MYCBP2: variants seen among roughly 807,000 people sequenced by gnomAD.
MYCBP2 encodes E3 ubiquitin-protein ligase MYCBP2.
Under a neutral mutation model 525.3 loss-of-function variants are expected in MYCBP2, and 120 were observed. That is an observed-to-expected ratio of 0.23 (90% confidence interval 0.20 to 0.27). The LOEUF is 0.27. MYCBP2 is among the 10% of genes least tolerant of loss of function. The pLI, the probability that MYCBP2 is intolerant of heterozygous loss-of-function variation, is 1.00. For missense variants in MYCBP2, 4,149 were observed against 5,657.1 expected, an observed-to-expected ratio of 0.73 and a Z score of 8.55; for synonymous variants, 1,894 against 1,955.8, an observed-to-expected ratio of 0.97 and a Z score of 0.83.
At chr13:77,136,108 C>T (rs1000294450) in intron 52 of MYCBP2, among the ~76,000 whole-genome samples, 5 of 152,148 alleles carry the variant, frequency 3.3e-5, no homozygotes, top group South Asian at 2.1e-4. Flanking sequence ...CGTGAGCCAC[C>T]GTGCCCAGCC....
intron 77 of MYCBP2, 103 bp downstream of exon 77, chr13:77,059,420 T>C (rs2038856688): frequency 1.2e-6 from 1 of 852,560 alleles, no homozygotes; most frequent in East Asian, 2.4e-5. Flanking sequence ...TACACTCATT[T>C]AGGAAGCTGG....
rs532759203 is a variant in MYCBP2, at chr13:77,261,694, A to T, written c.1648-319T>A. On this transcript the variant is annotated intron_variant, in intron 11 of 82. Coordinates refer to ENST00000544440, the MANE Select transcript of MYCBP2 (RefSeq NM_015057.5). ...AGATCACCATAACAGATATAATAAT[A>T]ATAAAGAAGTCTGAAATATTTCGAG... is the stretch of plus-strand genomic sequence containing the variant. 1.8e-4 allele frequency among the ~76,000 whole-genome samples: 28 copies of T among 152,198 alleles called. No individual in the cohort carries two copies. The South Asian group carries it at 5.4e-3, about 29-fold the overall frequency.
rs150190050 is a variant in MYCBP2 at position 77,076,983 on chromosome 13, T to A, written c.11725-134A>T. ...AATATACACCACTATTTTTCTTAAT[T>A]ACAAATGCAACATGGAACTCAGGTG... On this transcript the variant is annotated intron_variant, in intron 67 of 82. Transcript: ENST00000544440. 545 of 1,144,728 alleles carry A rather than the reference T, an allele frequency of 4.8e-4. 2 individuals are homozygous for A. In the East Asian group the frequency reaches 0.013, roughly 27 times the overall value. 70.9% of individuals were successfully genotyped at this position (1,144,728 alleles called of 1,614,324 possible).
rs539605702 is a variant in MYCBP2 at position 77,210,894 on chromosome 13, T to A, written c.3416+273A>T. ...ATCCCCATTTCATAAATGAGAAAACTGAGGCACACAGTCAAAGTAACTTCT... is the reference window on the plus strand; with the variant it reads ...ATCCCCATTTCATAAATGAGAAAACAGAGGCACACAGTCAAAGTAACTTCT... On this transcript the variant is annotated intron_variant, in intron 23 of 82. Transcript: ENST00000544440. Among the ~76,000 whole-genome samples, 20 of 152,244 alleles carry A rather than the reference T, an allele frequency of 1.3e-4. No individual in the cohort carries two copies. The South Asian group carries it at 4.0e-3, about 30-fold the overall frequency.
intron 52 of MYCBP2, among the ~76,000 whole-genome samples, chr13:77,130,101 ATATT>A (rs1263762307): frequency 1.1e-4 from 17 of 151,946 alleles, no homozygotes; most frequent in East Asian, 7.7e-4. Flanking sequence ...CTATCAATCT[ATATT>A]TATCTGATTT....
chr13:77,123,259 T>C (rs1167484441), intron 54 of MYCBP2, among the ~76,000 whole-genome samples: 1 of 152,244 alleles, frequency 6.6e-6, no homozygotes, highest in Non-Finnish European at 1.5e-5. Context: ...CCAGGTTTTA[T>C]ATTAAAATAG....
chr13:77,324,769 TC>T (rs2082092383), intron 1 of MYCBP2, among the ~76,000 whole-genome samples: 1 of 152,158 alleles, frequency 6.6e-6, no homozygotes, highest in Non-Finnish European at 1.5e-5. Context: ...TACACAGAAA[TC>T]ATATTACACT....
chr13:77,151,017 C>T, intron 46 of MYCBP2, 68 bp from the exon 47 acceptor site: 1 of 1,277,134 alleles, frequency 7.8e-7, no homozygotes, highest in Non-Finnish European at 1.1e-6. Flanking sequence ...AAATAAGCAA[C>T]TTACTATTAT....
At chr13:77,285,637 T>C (rs1403387889) in intron 3 of MYCBP2, among the ~76,000 whole-genome samples, 1 of 151,986 alleles carries the variant, frequency 6.6e-6, no homozygotes. Flanking sequence ...AAATACAAAA[T>C]TAGCCAGGCG....
Position 77,156,608 on chromosome 13 carries a change from G to A in MYCBP2, c.6771-406C>T, listed in dbSNP as rs1233433781. 2.0e-5 allele frequency among the ~76,000 whole-genome samples: 3 copies of A among 152,222 alleles called. No individual in the cohort carries two copies. The East Asian group carries it at 5.8e-4, about 29-fold the overall frequency. ...CAAGCCTGGAAAAAGCAGTGTCTCT[G>A]TAAAAGCAGGGGTAGAAATGGCCCT... On this transcript the variant is annotated intron_variant, in intron 45 of 82. Transcript: ENST00000544440.
intron 47 of MYCBP2, among the ~76,000 whole-genome samples, chr13:77,150,123 T>C (rs1006135272): frequency 6.6e-6 from 1 of 152,066 alleles, no homozygotes; most frequent in African/African-American, 2.4e-5. Flanking sequence ...ACATCCAAAA[T>C]ATATATTTTT....
intron 3 of MYCBP2, among the ~76,000 whole-genome samples, chr13:77,279,515 A>G (rs1214876564): frequency 2.0e-5 from 3 of 152,216 alleles, no homozygotes; most frequent in African/African-American, 7.2e-5. Context: ...CTGATAAAAC[A>G]AAAGACAAAT....
intron 44 of MYCBP2, among the ~76,000 whole-genome samples, chr13:77,159,837 T>C (rs921015714): frequency 4.6e-5 from 7 of 152,196 alleles, no homozygotes; most frequent in Admixed American, 1.3e-4. Flanking sequence ...AATGGACTAA[T>C]AGAAACTCTT....
chr13:77,077,175 C>T lies in MYCBP2; in HGVS notation c.11697G>A (p.Leu3899=). 6.2e-7 allele frequency: 1 copy of T among 1,613,968 alleles called. No individual in the cohort carries two copies. The highest frequency in any genetic ancestry group is 8.5e-7 in the Non-Finnish European group (1 of 1,179,968). ...AQQRNCEAET[L]RVFRLITSQV... ...GAGACGTAATCAGTCTGAATACTCG[C>T]AGAGTCTCAGCTTCACAGTTCCTCT... is the stretch of plus-strand genomic sequence containing the variant. Residue 3899 remains leucine (L), a synonymous_variant, in exon 67 of 83, where the codon CTG becomes CTA. Transcript: ENST00000544440.
At chr13:77,115,534 A>G (rs2049589816) in intron 55 of MYCBP2, among the ~76,000 whole-genome samples, 1 of 151,898 alleles carries the variant, frequency 6.6e-6, no homozygotes, top group Non-Finnish European at 1.5e-5. Context: ...CGTATATAAA[A>G]TCAAATAATT....
chr13:77,219,036 A>G (rs981537986), intron 20 of MYCBP2, among the ~76,000 whole-genome samples: 1 of 152,134 alleles, frequency 6.6e-6, no homozygotes, highest in Admixed American at 6.6e-5. Flanking sequence ...CTTAAGCAAC[A>G]GAGTAGATAG....
Position 77,188,418 on chromosome 13 carries a change from T to G in MYCBP2, c.4251+533A>C, listed in dbSNP as rs567548632. Reference sequence around the variant, plus strand: ...ACTTAGGTAACATACGTAAGAATCCTCAATTAATACATGAGAGATCAAGAC... The same window carrying G: ...ACTTAGGTAACATACGTAAGAATCCGCAATTAATACATGAGAGATCAAGAC... On this transcript the variant is annotated intron_variant, in intron 30 of 82. Transcript: ENST00000544440. Among the ~76,000 whole-genome samples the G allele has an allele frequency of 5.9e-5, 9 of 152,342 alleles. No individual in the cohort carries two copies. The East Asian group carries it at 1.7e-3, about 29-fold the overall frequency.
chr13:77,190,244 C>T lies in MYCBP2; in HGVS notation c.4154+8G>A, dbSNP rs769066541. On this transcript the variant is annotated splice_region_variant and intron_variant, in intron 29 of 82. Coordinates refer to ENST00000544440, the MANE Select transcript of MYCBP2 (RefSeq NM_015057.5). Reference sequence around the variant, plus strand: ...ACCATACTAATTCAGTATAAATATGCTAAATACCTGTATAATAACTGAGGT... The same window carrying T: ...ACCATACTAATTCAGTATAAATATGTTAAATACCTGTATAATAACTGAGGT... 7.7e-6 allele frequency: 12 copies of T among 1,549,966 alleles called. No individual in the cohort carries two copies. The Admixed American group carries it at 1.0e-4, about 13-fold the overall frequency.
chr13:77,118,793 CTA>C (rs2050209067), intron 55 of MYCBP2, among the ~76,000 whole-genome samples: 1 of 151,894 alleles, frequency 6.6e-6, no homozygotes, highest in Non-Finnish European at 1.5e-5. Flanking sequence ...AACGAAGACT[CTA>C]TGAAGAATCA....
Sources: allele counts gnomAD v4.1 joint callset (sites outside exome capture counted in the v4.1 genomes callset), GRCh38; gene constraint gnomAD v4.1.1; transcripts MANE v1.5; gene names NCBI Gene and HGNC (gene_info 2026-07-23, HGNC 2026-07-21).